FAM120B: variants seen among roughly 807,000 people sequenced by gnomAD.
FAM120B encodes family with sequence similarity 120 member B.
A neutral mutation model predicts 96.3 loss-of-function variants in FAM120B; 83 were observed. That is an observed-to-expected ratio of 0.86 (90% confidence interval 0.72 to 1.03). The LOEUF (loss-of-function observed/expected upper bound fraction) is 1.03. FAM120B is among the 50% of genes least tolerant of loss of function. FAM120B has a pLI of 0.00. For synonymous variants in FAM120B, 407 were observed against 402.7 expected, an observed-to-expected ratio of 1.01 and a Z score of -0.13; for missense variants, 1,027 against 1,121.2, an observed-to-expected ratio of 0.92 and a Z score of 1.20.
upstream of FAM120B, among the ~76,000 whole-genome samples, chr6:170,293,176 G>A (rs1783923512): frequency 2.6e-5 from 4 of 152,010 alleles, no homozygotes; most frequent in Admixed American, 1.3e-4. Flanking sequence ...CTGTGCTGGG[G>A]GCTGGGGGTG....
chr6:170,347,916 C>T (rs950594328), intron 4 of FAM120B, among the ~76,000 whole-genome samples: 1 of 151,882 alleles, frequency 6.6e-6, no homozygotes, highest in Admixed American at 6.6e-5. Flanking sequence ...GTGCAGTATC[C>T]CTCAAAATTT....
chr6:170,295,260 T>A (rs1237172384), upstream of FAM120B: 6 of 613,060 alleles, frequency 9.8e-6, no homozygotes, highest in African/African-American at 7.6e-5. This position sits in a 1 kb window ranked among gnomAD's most constrained non-coding sequence, Gnocchi z 7.8. Flanking sequence ...ACACACACAC[T>A]CACTGGGCCA....
At chr6:170,297,348 C>A (rs1409257219) in intron 1 of FAM120B, among the ~76,000 whole-genome samples, 1 of 152,244 alleles carries the variant, frequency 6.6e-6, no homozygotes, top group African/African-American at 2.4e-5. Flanking sequence ...GAGCATCTGC[C>A]GGGGAGAACA....
At chr6:170,396,697 T>G (rs1778184922) in intron 9 of FAM120B, among the ~76,000 whole-genome samples, 1 of 152,186 alleles carries the variant, frequency 6.6e-6, no homozygotes, top group African/African-American at 2.4e-5. Context: ...TCACTTCCAC[T>G]TCGTCACTAA....
intron 5 of FAM120B, among the ~76,000 whole-genome samples, chr6:170,355,756 C>A (rs1489739102): frequency 6.6e-6 from 1 of 152,084 alleles, no homozygotes; most frequent in Non-Finnish European, 1.5e-5. Flanking sequence ...AAAGATATTT[C>A]TTTTGATATT....
At chr6:170,344,771 C>T (rs937997892) in intron 4 of FAM120B, among the ~76,000 whole-genome samples, 1 of 152,352 alleles carries the variant, frequency 6.6e-6, no homozygotes, top group Non-Finnish European at 1.5e-5. Context: ...CAGCTTCCCA[C>T]TGCTGCCAGA....
At chr6:170,336,311 T>C (rs1329387288) in intron 4 of FAM120B, among the ~76,000 whole-genome samples, 1 of 152,208 alleles carries the variant, frequency 6.6e-6, no homozygotes, top group Non-Finnish European at 1.5e-5. Context: ...GGGAATCTTT[T>C]CCCTGTTGCT....
chr6:170,347,177 C>A (rs971592150), intron 4 of FAM120B, among the ~76,000 whole-genome samples: 2 of 152,088 alleles, frequency 1.3e-5, no homozygotes, highest in South Asian at 4.2e-4. Flanking sequence ...ACTCTGAGGC[C>A]GTTTGGTTAG....
At chr6:170,394,950 G>A (rs987198948) in intron 8 of FAM120B, among the ~76,000 whole-genome samples, 6 of 152,248 alleles carry the variant, frequency 3.9e-5, no homozygotes, top group Admixed American at 3.3e-4. Context: ...GGACTATCAC[G>A]ATACCTTTAA....
chr6:170,361,222 A>ATATACG (rs1554286440), intron 6 of FAM120B, among the ~76,000 whole-genome samples: 4 of 101,988 alleles, frequency 3.9e-5, no homozygotes, highest in East Asian at 3.3e-4. Context: ...ATATATATAT[A>ATATACG]TATATATATA....
chr6:170,390,996 A>G lies in FAM120B; in HGVS notation c.2491-17A>G, dbSNP rs1279459961. Reference sequence around the variant, plus strand: ...ATCTGGCCCCTCACATCTCATTTGCATCTGGTCTGTTTGCAGAGATCTCGG... The same window carrying G: ...ATCTGGCCCCTCACATCTCATTTGCGTCTGGTCTGTTTGCAGAGATCTCGG... On this transcript the variant is annotated splice_polypyrimidine_tract_variant and intron_variant, in intron 7 of 10. Coordinates refer to ENST00000476287, the MANE Select transcript of FAM120B (RefSeq NM_032448.3). 1.9e-6 allele frequency: 3 copies of G among 1,609,946 alleles called. No homozygotes were observed. The highest frequency in any genetic ancestry group is 3.3e-5 in the Admixed American group (2 of 59,926).
chr6:170,295,309 A>G, upstream of FAM120B: 1 of 682,822 alleles, frequency 1.5e-6, no homozygotes, highest in Non-Finnish European at 2.7e-6. The surrounding 1 kb of genome is among the most constrained non-coding windows in gnomAD (Gnocchi z 7.8). Flanking sequence ...GTGGGTGCAC[A>G]GATGTGTTCA....
intron 1 of FAM120B, among the ~76,000 whole-genome samples, chr6:170,296,889 C>A (rs1376298603): frequency 6.6e-6 from 1 of 152,176 alleles, no homozygotes; most frequent in East Asian, 1.9e-4. Flanking sequence ...CAGCCTGTGA[C>A]TTTGTAAAAA....
intron 2 of FAM120B, among the ~76,000 whole-genome samples, chr6:170,322,304 C>T (rs140097534): frequency 6.6e-6 from 1 of 152,280 alleles, no homozygotes; most frequent in African/African-American, 2.4e-5. Flanking sequence ...GGGAGGCAGA[C>T]CAGACAGCTG....
chr6:170,321,186 C>G (rs185096172), intron 2 of FAM120B, among the ~76,000 whole-genome samples: 1 of 152,186 alleles, frequency 6.6e-6, no homozygotes, highest in African/African-American at 2.4e-5. Flanking sequence ...ATTGCCCTTA[C>G]ATTTTCTCTA....
chr6:170,323,631 G>C lies in FAM120B; in HGVS notation c.1915+372G>C, dbSNP rs540248093. Among the ~76,000 whole-genome samples the C allele has an allele frequency of 2.0e-5, 3 of 152,248 alleles. No homozygotes were observed. In the South Asian group the frequency reaches 6.2e-4, roughly 32 times the overall value. On this transcript the variant is annotated intron_variant, in intron 3 of 10. Coordinates refer to ENST00000476287, the MANE Select transcript of FAM120B (RefSeq NM_032448.3). ...ATTAGAAGAAAACAATGTCTACTTA[G>C]TCTTCCCTCAAAATGTGATTTTTAT...
intron 6 of FAM120B, among the ~76,000 whole-genome samples, chr6:170,374,294 A>T (rs887037392): frequency 6.6e-6 from 1 of 152,198 alleles, no homozygotes; most frequent in African/African-American, 2.4e-5. Context: ...GAAATAAAAG[A>T]GGTAAATTAT....
chr6:170,373,064 T>C (rs1344133764), intron 6 of FAM120B, among the ~76,000 whole-genome samples: 1 of 152,192 alleles, frequency 6.6e-6, no homozygotes, highest in African/African-American at 2.4e-5. Context: ...AAATGAACCT[T>C]CCTTAGCATA....
chr6:170,395,166 G>C (rs890642055), intron 8 of FAM120B, among the ~76,000 whole-genome samples: 1 of 152,140 alleles, frequency 6.6e-6, no homozygotes, highest in Non-Finnish European at 1.5e-5. Flanking sequence ...GGTCATGGGC[G>C]CCATGGCCTG....
Sources: allele counts gnomAD v4.1 joint callset (sites outside exome capture counted in the v4.1 genomes callset), GRCh38; gene constraint gnomAD v4.1.1; non-coding constraint Gnocchi (gnomAD v3.1); transcripts MANE v1.5; gene names NCBI Gene and HGNC (gene_info 2026-07-23, HGNC 2026-07-21).